The following RAB2A variants were observed in gnomAD, a reference collection of about 807,000 sequenced individuals.
RAB2A encodes the protein RAB2A, member RAS oncogene family, also known as ras-related protein Rab-2A.
In RAB2A, 7 loss-of-function variants were observed where a neutral mutation model predicts 32.5. The observed-to-expected ratio is 0.22, with a 90% CI of 0.12 to 0.40. The LOEUF (loss-of-function observed/expected upper bound fraction) is 0.40, where lower values mean the gene tolerates loss of function less well. RAB2A is among the 10% of genes least tolerant of loss of function. RAB2A has a pLI of 1.00. For synonymous variants in RAB2A, 79 were observed against 85.2 expected (o/e 0.93, Z 0.40); for missense variants, 108 against 260.7 (o/e 0.41, Z 4.03).
At chr8:60,544,542 T>C (rs1181803451) in intron 1 of RAB2A, among the ~76,000 whole-genome samples, 3 of 147,964 alleles carry the variant, frequency 2.0e-5, no homozygotes, top group South Asian at 2.1e-4. Flanking sequence ...CTATTTTTTT[T>C]CCCTAGTGCC....
At chr8:60,605,793 C>T (rs1804218267) in intron 6 of RAB2A, among the ~76,000 whole-genome samples, 1 of 146,856 alleles carries the variant, frequency 6.8e-6, no homozygotes. Context: ...AAGTAGCTAA[C>T]TATTTATTTT....
At chr8:60,565,324 C>T (rs1365868929) in intron 2 of RAB2A, among the ~76,000 whole-genome samples, 1 of 148,550 alleles carries the variant, frequency 6.7e-6, no homozygotes, top group Non-Finnish European at 1.5e-5. Context: ...TAGACTGAGG[C>T]GGGAGGATTG....
At chr8:60,613,937 G>A (rs969775382) in intron 6 of RAB2A, among the ~76,000 whole-genome samples, 5 of 152,100 alleles carry the variant, frequency 3.3e-5, no homozygotes, top group African/African-American at 7.2e-5. Context: ...ACTAAAAGTC[G>A]CTTGTTTACA....
Position 60,524,238 on chromosome 8 carries a change from C to T in RAB2A, c.46+6985C>T, listed in dbSNP as rs1807345216. ...GAAAGTTTCTCTTTTATCTCCCCAACTGCTTCCCTCCTTCATTTTAATTCT... is the reference window on the plus strand; with the variant it reads ...GAAAGTTTCTCTTTTATCTCCCCAATTGCTTCCCTCCTTCATTTTAATTCT... On this transcript the variant is annotated intron_variant, in intron 1 of 7. Transcript: ENST00000262646. Among the ~76,000 whole-genome samples, 3 of 152,184 alleles carry T rather than the reference C, an allele frequency of 2.0e-5. 1 individual carries two copies.
At position 60,548,762 on chromosome 8, in the gene RAB2A, CG is replaced by C. The variant is rs1457976057; in HGVS notation, c.47-10084del. ...CTGCCGGATGGGGCGGCTGGCCGGG[CG>C]GGGGGCTGATCCCCCCACCTCCCTC... On this transcript the variant is annotated intron_variant, in intron 1 of 7. Coordinates refer to ENST00000262646, the MANE Select transcript of RAB2A (RefSeq NM_002865.3). Among the ~76,000 whole-genome samples the C allele has an allele frequency of 2.2e-5, 3 of 137,968 alleles. No individual in the cohort carries two copies. In the East Asian group the frequency reaches 6.9e-4, roughly 32 times the overall value. The allele number at this position is 137,968 out of a possible 152,430, so 90.5% of individuals were successfully genotyped here.
intron 1 of RAB2A, among the ~76,000 whole-genome samples, chr8:60,522,524 A>T (rs563056234): frequency 1.6e-4 from 25 of 151,884 alleles, no homozygotes; most frequent in South Asian, 6.2e-4. Flanking sequence ...TTTCTTTTTT[A>T]AAAAAAAATT....
intron 1 of RAB2A, among the ~76,000 whole-genome samples, chr8:60,517,597 G>A (rs1807228319): frequency 6.6e-6 from 1 of 152,108 alleles, no homozygotes; most frequent in Non-Finnish European, 1.5e-5. Flanking sequence ...AGGGCCCCTT[G>A]CGTTAGGTCT....
At chr8:60,548,617 A>C (rs1475241767) in intron 1 of RAB2A, among the ~76,000 whole-genome samples, 1 of 140,268 alleles carries the variant, frequency 7.1e-6, no homozygotes, top group Non-Finnish European at 1.5e-5. Flanking sequence ...CACTTCCCGG[A>C]TGGGGCGGCT....
intron 1 of RAB2A, among the ~76,000 whole-genome samples, chr8:60,548,800 G>A (rs534397704): frequency 0.054 from 7,908 of 146,954 alleles, 596 homozygotes; most frequent in African/African-American, 0.17. Context: ...CAGACGGGGC[G>A]GCTGGCCGGG....
intron 5 of RAB2A, among the ~76,000 whole-genome samples, chr8:60,587,000 T>G (rs1803862470): frequency 6.6e-6 from 1 of 151,920 alleles, no homozygotes; most frequent in African/African-American, 2.4e-5. Context: ...CAGACTTTTT[T>G]GGGAGGGTAG....
chr8:60,556,672 G>T, intron 1 of RAB2A, among the ~76,000 whole-genome samples: 1 of 145,724 alleles, frequency 6.9e-6, no homozygotes, highest in Admixed American at 6.8e-5. Flanking sequence ...AGAGGAAGAA[G>T]AAGAATATGG....
chr8:60,579,944 T>A (rs1803712743), intron 3 of RAB2A, among the ~76,000 whole-genome samples: 1 of 145,902 alleles, frequency 6.9e-6, no homozygotes, highest in Admixed American at 6.9e-5. Flanking sequence ...AACATTTTTG[T>A]TTCACTTAAA....
chr8:60,579,863 G>A (rs540287138), intron 3 of RAB2A, among the ~76,000 whole-genome samples: 4 of 152,160 alleles, frequency 2.6e-5, no homozygotes, highest in East Asian at 1.9e-4. Flanking sequence ...TCTTGACTTC[G>A]TAATATGCCT....
At chr8:60,600,314 C>A (rs1804111725) in intron 6 of RAB2A, among the ~76,000 whole-genome samples, 1 of 152,028 alleles carries the variant, frequency 6.6e-6, no homozygotes, top group Non-Finnish European at 1.5e-5. Flanking sequence ...CAACACAGAC[C>A]CTGTCTCAAA....
chr8:60,547,835 C>T (rs1199185971), intron 1 of RAB2A, among the ~76,000 whole-genome samples: 31 of 83,482 alleles, frequency 3.7e-4, no homozygotes, highest in Non-Finnish European at 5.2e-4. Context: ...GGGGGGCTGA[C>T]CCCCCCACCT....
At chr8:60,567,910 A>G (rs548627789) in intron 2 of RAB2A, among the ~76,000 whole-genome samples, 1 of 152,272 alleles carries the variant, frequency 6.6e-6, no homozygotes, top group East Asian at 1.9e-4. Flanking sequence ...TAATTTCCAA[A>G]TTGAAAATAT....
At chr8:60,537,719 G>T (rs1020721848) in intron 1 of RAB2A, among the ~76,000 whole-genome samples, 3 of 152,014 alleles carry the variant, frequency 2.0e-5, no homozygotes, top group Non-Finnish European at 2.9e-5. Flanking sequence ...TTCAGGTAGA[G>T]TCTCACTCTG....
intron 6 of RAB2A, among the ~76,000 whole-genome samples, chr8:60,604,104 G>A (rs1804184217): frequency 6.6e-6 from 1 of 152,120 alleles, no homozygotes. Flanking sequence ...TAGTTCTAAT[G>A]AGATCTGATT....
intron 6 of RAB2A, among the ~76,000 whole-genome samples, chr8:60,610,993 A>G (rs1804337028): frequency 6.6e-6 from 1 of 152,136 alleles, no homozygotes; most frequent in Non-Finnish European, 1.5e-5. Flanking sequence ...AATTCATGGT[A>G]TACCCTTTTA....
Sources: allele counts gnomAD v4.1 joint callset (sites outside exome capture counted in the v4.1 genomes callset), GRCh38; gene constraint gnomAD v4.1.1; transcripts MANE v1.5; gene names NCBI Gene and HGNC (gene_info 2026-07-23, HGNC 2026-07-21).